NUP98: variants seen among roughly 807,000 people sequenced by gnomAD.
NUP98 encodes the protein nuclear pore complex protein Nup98-Nup96.
NUP98 carries 26 observed loss-of-function variants against 191.9 expected under a neutral mutation model. The ratio of observed to expected loss-of-function variants is 0.14; its 90% CI spans 0.10 to 0.19. The LOEUF (loss-of-function observed/expected upper bound fraction) is 0.19, where lower values mean the gene tolerates loss of function less well. Among genes scored for constraint, NUP98 ranks in the 10% least tolerant of loss-of-function variants. NUP98 has a pLI of 1.00. For missense variants in NUP98, 1,941 were observed against 2,178.8 expected (o/e 0.89, Z 2.17); for synonymous variants, 808 against 778.4 (o/e 1.04, Z -0.63).
chr11:3,712,914 C>G (rs1203618651), intron 19 of NUP98, among the ~76,000 whole-genome samples, 186 bp from the exon 20 acceptor site: 1 of 152,166 alleles, frequency 6.6e-6, no homozygotes, highest in African/African-American at 2.4e-5. Flanking sequence ...GATGTATGCT[C>G]TAGTTGCTCA....
At chr11:3,709,120 C>T (rs1259835703) in intron 20 of NUP98, among the ~76,000 whole-genome samples, 1 of 152,154 alleles carries the variant, frequency 6.6e-6, no homozygotes, top group Non-Finnish European at 1.5e-5. Flanking sequence ...CCTCATTCAA[C>T]AGAGTGAATG....
At chr11:3,684,652 AAGAAAG>A (rs1437495310) in intron 29 of NUP98, among the ~76,000 whole-genome samples, 3 of 152,122 alleles carry the variant, frequency 2.0e-5, no homozygotes, top group Non-Finnish European at 4.4e-5. Flanking sequence ...AAACTGCTTA[AAGAAAG>A]AGAAATTGCT....
At position 3,700,833 on chromosome 11, in the gene NUP98, A is replaced by C; in HGVS notation, c.3519T>G (p.Thr1173=). 1 of 1,612,200 alleles carries C rather than the reference A, an allele frequency of 6.2e-7. No homozygotes were observed. The highest frequency in any genetic ancestry group is 8.5e-7 in the Non-Finnish European group (1 of 1,178,582). ...CTAAGTGAACTTTGAATGGGGACTC[A>C]GTTAGGCTACAAGAGCAAATGAGGA... is the stretch of plus-strand genomic sequence containing the variant. ...LPNPVAVKPL[T]ESPFKVHLEK... Residue 1173 remains threonine (T), a synonymous_variant, in exon 24 of 33, where the codon ACT becomes ACG. Coordinates refer to ENST00000324932, the MANE Select transcript of NUP98 (RefSeq NM_016320.5).
At chr11:3,688,535 C>T (rs2078199013) in intron 28 of NUP98, among the ~76,000 whole-genome samples, 1 of 151,680 alleles carries the variant, frequency 6.6e-6, no homozygotes, top group Non-Finnish European at 1.5e-5. Flanking sequence ...TGGCTCACAC[C>T]TATAATCCCA....
chr11:3,693,200 G>T (rs2078374799), intron 27 of NUP98, 32 bp downstream of exon 27: 3 of 1,610,694 alleles, frequency 1.9e-6, no homozygotes, highest in Admixed American at 1.7e-5. Flanking sequence ...CACCCAGCAA[G>T]ATTTTTGCTT....
chr11:3,779,501 C>G (rs557824958), intron 2 of NUP98, among the ~76,000 whole-genome samples: 1 of 151,842 alleles, frequency 6.6e-6, no homozygotes, highest in African/African-American at 2.4e-5. Flanking sequence ...ATTAGAAGGG[C>G]GTGGTGGCAC....
intron 1 of NUP98, among the ~76,000 whole-genome samples, chr11:3,783,528 GTC>G (rs1365343068): frequency 6.6e-6 from 1 of 152,144 alleles, no homozygotes; most frequent in Non-Finnish European, 1.5e-5. Flanking sequence ...GTGAAACCCT[GTC>G]TCTACTAAAA....
rs773789058 is a variant in NUP98, at chr11:3,691,470, C to G, written c.4331G>C (p.Arg1444Thr). 2 of 1,614,202 alleles carry G rather than the reference C, an allele frequency of 1.2e-6. No individual in the cohort carries two copies. Among genetic ancestry groups the G allele is most frequent in the South Asian group, 1.1e-5 (1 of 91,080 alleles). ...CGAAGGAAGTGGGGAGCAGGCATAT[C>G]TGTCACTGTCAGAGGTATTCTGAAG... ...EAFQNTSDSD[R>T]YACSPLPSYL... Residue 1444 changes from arginine to threonine, a missense_variant, in exon 28 of 33, where the codon AGA becomes ACA. Physicochemically the swap from Arg to Thr is moderately conservative, Grantham distance 71. Transcript: ENST00000324932.
At chr11:3,766,405 G>A (rs1337487702) in intron 8 of NUP98, among the ~76,000 whole-genome samples, 1 of 151,746 alleles carries the variant, frequency 6.6e-6, no homozygotes, top group African/African-American at 2.4e-5. Flanking sequence ...TGAGAAACAT[G>A]AAGGCCAGGC....
At chr11:3,746,664 G>C (rs111762347) in intron 11 of NUP98, among the ~76,000 whole-genome samples, 1 of 151,784 alleles carries the variant, frequency 6.6e-6, no homozygotes, top group Non-Finnish European at 1.5e-5. Context: ...TGTAATCCTA[G>C]CACTGTGGGA....
chr11:3,783,000 G>A (rs1200871472), intron 1 of NUP98, among the ~76,000 whole-genome samples: 2 of 152,116 alleles, frequency 1.3e-5, no homozygotes, highest in African/African-American at 4.8e-5. Flanking sequence ...CTGGTGCCCT[G>A]ACATTCTCTT....
intron 11 of NUP98, among the ~76,000 whole-genome samples, chr11:3,745,083 G>T (rs2080441836): frequency 6.6e-6 from 1 of 152,146 alleles, no homozygotes; most frequent in South Asian, 2.1e-4. Flanking sequence ...TAGAAATGGG[G>T]TTCAAACCTA....
chr11:3,737,870 TAAAGA>T (rs1321209657), intron 12 of NUP98, among the ~76,000 whole-genome samples: 8 of 150,870 alleles, frequency 5.3e-5, no homozygotes, highest in South Asian at 2.1e-4. Context: ...GAGCAAAAAA[TAAAGA>T]AAAGTTTTTT....
At position 3,775,901 on chromosome 11, in the gene NUP98, C is replaced by T. The variant is rs2081705368; in HGVS notation, c.476G>A (p.Gly159Glu). The T allele has an allele frequency of 6.2e-7, 1 of 1,613,094 alleles. No individual in the cohort carries two copies. Among genetic ancestry groups the T allele is most frequent in the Non-Finnish European group, 8.5e-7 (1 of 1,179,632 alleles). The change falls in exon 5 of 33, where the codon GGG becomes GAG. Residue 159 changes from glycine (G) to glutamate (E), a missense_variant. This residue lies in a region of NUP98 where 154 missense variants were observed against 182.9 expected (regional missense o/e 0.84). Transcript: ENST00000324932. ...ACATACGTTAAATTTAATAGTAGTC[C>T]CAGTAGGAGCAGCTGTAAAACTACT... The part of the protein sequence containing the change: ...GPSSFTAAPT[G>E]TTIKFNPPTG...
intron 20 of NUP98, among the ~76,000 whole-genome samples, chr11:3,707,141 A>C (rs920845582): frequency 6.6e-6 from 1 of 152,208 alleles, no homozygotes; most frequent in Non-Finnish European, 1.5e-5. Flanking sequence ...CTGAATCCTA[A>C]GGTTAGCTGG....
chr11:3,770,345 G>A (rs1052760206), intron 7 of NUP98, among the ~76,000 whole-genome samples: 1 of 152,008 alleles, frequency 6.6e-6, no homozygotes, highest in Non-Finnish European at 1.5e-5. Flanking sequence ...AATAAAATTA[G>A]TCGGGTGTGG....
At position 3,720,929 on chromosome 11, in the gene NUP98, A is replaced by T. The variant is rs1250270225; in HGVS notation, c.2147-104T>A. The T allele has an allele frequency of 6.6e-6, 4 of 606,644 alleles. No homozygotes were observed. In the Admixed American group the frequency reaches 9.0e-5, roughly 14 times the overall value. The allele number at this position is 606,644 out of a possible 1,614,324, so 37.6% of individuals were successfully genotyped here. On this transcript the variant is annotated intron_variant, in intron 16 of 32. Transcript: ENST00000324932. ...AATATATCAGAATGAAGAATTTTCC[A>T]AACTACTTTTCTACCAAACATGATT...
chr11:3,694,354 G>C (rs1256636283), intron 26 of NUP98, among the ~76,000 whole-genome samples: 1 of 151,378 alleles, frequency 6.6e-6, no homozygotes, highest in African/African-American at 2.4e-5. Context: ...TGGACAATAA[G>C]AGCGAAACTC....
chr11:3,776,095 C>A, intron 4 of NUP98, 74 bp from the exon 5 acceptor site: 2 of 1,105,380 alleles, frequency 1.8e-6, no homozygotes, highest in Admixed American at 2.1e-5. Context: ...TGGAATTGGG[C>A]TATGGCACTA....
Sources: gnomAD v4.1 joint callset for allele counts (sites outside exome capture counted in the v4.1 genomes callset) on GRCh38, gnomAD v4.1.1 for gene constraint, gnomAD v4.1.1 regional missense constraint, MANE v1.5 for transcripts, NCBI Gene and HGNC (gene_info 2026-07-23, HGNC 2026-07-21) for gene names.